CD82: variants seen among roughly 807,000 people sequenced by gnomAD.
CD82 encodes the protein CD82 molecule.
CD82 carries 36 observed loss-of-function variants against 37.4 expected under a neutral mutation model. The ratio of observed to expected loss-of-function variants is 0.96; its 90% confidence interval spans 0.74 to 1.27. The LOEUF (loss-of-function observed/expected upper bound fraction) is 1.27. Ranked by LOEUF, CD82 falls within the 50% of genes most tolerant of loss-of-function variation. The pLI, the probability that CD82 is intolerant of heterozygous loss-of-function variation, is 0.00. For missense variants in CD82, 340 were observed against 347.0 expected (o/e 0.98, Z 0.16); for synonymous variants, 158 against 137.4 (o/e 1.15, Z -1.05).
intron 4 of CD82, 125 bp from the exon 5 acceptor site, chr11:44,604,933 C>A: frequency 7.4e-7 from 1 of 1,345,236 alleles, no homozygotes; most frequent in Non-Finnish European, 1.1e-6. Context: ...GAGAAGCCAG[C>A]AGGGGAATGC....
At chr11:44,598,654 C>T (rs1220801200) in intron 3 of CD82, among the ~76,000 whole-genome samples, 1 of 151,924 alleles carries the variant, frequency 6.6e-6, no homozygotes, top group Non-Finnish European at 1.5e-5. Flanking sequence ...AGGTGATCTA[C>T]CCGCCTGAGT....
chr11:44,588,444 G>GCGCTTCAGGGCCCTGTTC (rs1230995058), intron 2 of CD82, among the ~76,000 whole-genome samples: 3 of 152,040 alleles, frequency 2.0e-5, no homozygotes, highest in African/African-American at 7.2e-5. Context: ...GGCTGGTCTC[G>GCGCTTCAGGGCCCTGTTC]AACTCCTGAC....
chr11:44,613,161 G>A (rs1045349245), intron 6 of CD82, among the ~76,000 whole-genome samples: 1 of 152,232 alleles, frequency 6.6e-6, no homozygotes, highest in Non-Finnish European at 1.5e-5. Context: ...GTGGGAAGGT[G>A]TGTGGCCTTC....
chr11:44,613,017 A>G lies in CD82; in HGVS notation c.337-2255A>G, dbSNP rs148879230. Among the ~76,000 whole-genome samples, 537 of 152,278 alleles carry G rather than the reference A, an allele frequency of 3.5e-3. 2 individuals are homozygous for G. Among genetic ancestry groups the G allele is most frequent in the African/African-American group, 0.012 (515 of 41,556 alleles). ...TGCAGGATATGGGTTCTCTGAGCAC[A>G]GCGTTCATTCAAGGACTGCCCATGG... is the stretch of plus-strand genomic sequence containing the variant. On this transcript the variant is annotated intron_variant, in intron 6 of 9. Coordinates refer to ENST00000227155, the MANE Select transcript of CD82 (RefSeq NM_002231.4).
Position 44,619,095 on chromosome 11 carries a change from C to A in CD82, c.773C>A (p.Ser258Tyr), listed in dbSNP as rs1331823226. The change falls in exon 10 of 10, where the codon TCC becomes TAC. Residue 258 changes from serine (S) to tyrosine (Y), a missense_variant. Coordinates refer to ENST00000227155, the MANE Select transcript of CD82 (RefSeq NM_002231.4). ...LSICLCRHVH[S>Y]EDYSKVPKY ...ATCTGCTTGTGCCGGCACGTCCATT[C>A]CGAAGACTACAGCAAGGTCCCCAAG... is the stretch of plus-strand genomic sequence containing the variant. 3 of 1,613,616 alleles carry A rather than the reference C, an allele frequency of 1.9e-6. No individual in the cohort carries two copies. The highest frequency in any genetic ancestry group is 2.5e-6 in the Non-Finnish European group (3 of 1,179,854).
chr11:44,571,318 G>A (rs1033123307), intron 1 of CD82, among the ~76,000 whole-genome samples: 2 of 152,096 alleles, frequency 1.3e-5, no homozygotes, highest in African/African-American at 2.4e-5. Context: ...AGAAAGCCTG[G>A]GCAAGATCAC....
intron 1 of CD82, among the ~76,000 whole-genome samples, chr11:44,574,679 A>C (rs1852864501): frequency 6.6e-6 from 1 of 152,218 alleles, no homozygotes; most frequent in Non-Finnish European, 1.5e-5. Flanking sequence ...GCTCAGAGAT[A>C]ACTGCCGTGA....
At chr11:44,584,919 G>A (rs1449293148) in intron 1 of CD82, among the ~76,000 whole-genome samples, 8 of 152,218 alleles carry the variant, frequency 5.3e-5, no homozygotes, top group Non-Finnish European at 1.2e-4. Flanking sequence ...CAGGTGGAGT[G>A]CCTGCAGATG....
chr11:44,594,683 A>G lies in CD82; in HGVS notation c.21A>G (p.Lys7=). 6.2e-7 allele frequency: 1 copy of G among 1,614,084 alleles called. No individual in the cohort carries two copies. The highest frequency in any genetic ancestry group is 8.5e-7 in the Non-Finnish European group (1 of 1,179,918). The change falls in exon 3 of 10, where the codon AAA becomes AAG. Residue 7 remains lysine, a synonymous_variant. Coordinates refer to ENST00000227155, the MANE Select transcript of CD82 (RefSeq NM_002231.4). The part of the protein sequence containing the change: MGSACI[K]VTKYFLFLFN... The stretch of plus-strand genomic sequence containing the variant: ...GCGGGATGGGCTCAGCCTGTATCAA[A>G]GTCACCAAATACTTTCTCTTCCTCT...
At chr11:44,601,999 G>T (rs1469730280) in intron 4 of CD82, among the ~76,000 whole-genome samples, 2 of 152,200 alleles carry the variant, frequency 1.3e-5, no homozygotes, top group African/African-American at 2.4e-5. Context: ...TTGAATCCCT[G>T]CTCTGAGTCC....
chr11:44,568,140 G>A (rs1174316452), intron 1 of CD82, among the ~76,000 whole-genome samples: 1 of 152,230 alleles, frequency 6.6e-6, no homozygotes. Context: ...AGCACTTTAG[G>A]AAAGTCAGTC....
chr11:44,613,674 T>G (rs1481113178), intron 6 of CD82, among the ~76,000 whole-genome samples: 1 of 151,944 alleles, frequency 6.6e-6, no homozygotes, highest in Non-Finnish European at 1.5e-5. Flanking sequence ...AATACAAAAA[T>G]TAGCCGGGCA....
chr11:44,579,104 A>G (rs71490072), intron 1 of CD82, among the ~76,000 whole-genome samples: 5,658 of 152,300 alleles, frequency 0.037, 141 homozygotes, highest in Middle Eastern at 0.075. Context: ...AGACCTGGCC[A>G]GCAGCCTGCT....
intron 1 of CD82, among the ~76,000 whole-genome samples, chr11:44,570,460 C>CT (rs1369078185): frequency 6.6e-6 from 1 of 152,228 alleles, no homozygotes; most frequent in East Asian, 1.9e-4. Context: ...ACAGCAGGCA[C>CT]TTGGGGATCG....
intron 1 of CD82, among the ~76,000 whole-genome samples, chr11:44,578,829 C>A (rs1417937384): frequency 6.6e-6 from 1 of 152,196 alleles, no homozygotes. Flanking sequence ...ACTGTCCCCA[C>A]TGCACAGATA....
intron 4 of CD82, chr11:44,604,743 G>A (rs1455632753): frequency 7.6e-6 from 3 of 393,034 alleles, no homozygotes; most frequent in Non-Finnish European, 1.4e-5. Context: ...TGGTGGAGGG[G>A]GAGAGCAGAC....
intron 1 of CD82, among the ~76,000 whole-genome samples, chr11:44,578,287 C>T (rs1029505443): frequency 6.6e-6 from 1 of 152,176 alleles, no homozygotes; most frequent in African/African-American, 2.4e-5. Context: ...AGGAGGCAGC[C>T]TCTCTCTGAG....
chr11:44,610,430 G>A (rs1287379639), intron 6 of CD82, among the ~76,000 whole-genome samples: 1 of 152,220 alleles, frequency 6.6e-6, no homozygotes, highest in African/African-American at 2.4e-5. Flanking sequence ...GAGCATTTAA[G>A]CAGAGCCTAA....
rs1853250516 is a variant in CD82 at position 44,597,812 on chromosome 11, C to T, written c.64-2346C>T. ...TGGGCCTGAGCACTGGCCCCTGCCT[C>T]GCTGTGCTGTGGGGTGGTTGTGGGC... On this transcript the variant is annotated intron_variant, in intron 3 of 9. Transcript: ENST00000227155. The surrounding 1 kb of genome is among the most constrained non-coding windows in gnomAD (Gnocchi z 4.1). Among the ~76,000 whole-genome samples the T allele has an allele frequency of 6.6e-6, 1 of 152,030 alleles. No individual in the cohort carries two copies. The highest frequency in any genetic ancestry group is 2.4e-5 in the African/African-American group (1 of 41,410).
Sources: gnomAD v4.1 joint callset for allele counts (sites outside exome capture counted in the v4.1 genomes callset) on GRCh38, gnomAD v4.1.1 for gene constraint, Gnocchi (gnomAD v3.1) non-coding constraint, MANE v1.5 for transcripts, NCBI Gene and HGNC (gene_info 2026-07-23, HGNC 2026-07-21) for gene names.